The following HACD3 variants were observed in gnomAD, a reference collection of about 807,000 sequenced individuals.
HACD3 encodes the protein very-long-chain (3R)-3-hydroxyacyl-CoA dehydratase 3.
HACD3 carries 30 observed loss-of-function variants against 55.2 expected under a neutral mutation model. The ratio of observed to expected loss-of-function variants is 0.54; its 90% CI spans 0.41 to 0.74. The LOEUF is 0.74. HACD3 is among the 30% of genes least tolerant of loss of function. The pLI, the probability that HACD3 is intolerant of heterozygous loss-of-function variation, is 0.00. For synonymous variants in HACD3, 141 were observed against 151.7 expected, an observed-to-expected ratio of 0.93 and a Z score of 0.52; for missense variants, 363 against 440.1, an observed-to-expected ratio of 0.82 and a Z score of 1.57.
At chr15:65,543,275 C>T (rs1384201451) in intron 1 of HACD3, among the ~76,000 whole-genome samples, 1 of 152,010 alleles carries the variant, frequency 6.6e-6, no homozygotes, top group African/African-American at 2.4e-5. Context: ...GGAATATATT[C>T]TAAGGACAAA....
rs1282465946 is a variant in HACD3, at chr15:65,578,227, C to T, written c.*1848C>T. 1 of 152,166 alleles carries T rather than the reference C, an allele frequency of 6.6e-6. No individual in the cohort carries two copies. The highest frequency in any genetic ancestry group is 1.5e-5 in the Non-Finnish European group (1 of 68,030). The allele number at this position is 152,166 out of a possible 1,614,324, so 9.4% of individuals were successfully genotyped here. ...CGTGTAATTGGGCAGATCAGCTTTGCAGTAGATTATGCTGCATCCTCGTGG... is the reference window on the plus strand; with the variant it reads ...CGTGTAATTGGGCAGATCAGCTTTGTAGTAGATTATGCTGCATCCTCGTGG... On this transcript the variant is annotated 3_prime_UTR_variant, in exon 11 of 11. Coordinates refer to ENST00000261875, the MANE Select transcript of HACD3 (RefSeq NM_016395.4).
chr15:65,544,099 C>T lies in HACD3; in HGVS notation c.88-7577C>T, dbSNP rs562328126. Among the ~76,000 whole-genome samples the T allele has an allele frequency of 2.6e-5, 4 of 152,274 alleles. No individual in the cohort carries two copies. The South Asian group carries it at 8.3e-4, about 32-fold the overall frequency. ...GGCCGAGGCAGGAGAATGGCGTGAACCCGGGAGGCGGAGCTTGCAGTGAGC... is the reference window on the plus strand; with the variant it reads ...GGCCGAGGCAGGAGAATGGCGTGAATCCGGGAGGCGGAGCTTGCAGTGAGC... On this transcript the variant is annotated intron_variant, in intron 1 of 10. Transcript: ENST00000261875.
chr15:65,573,955 T>A (rs1567341840), intron 10 of HACD3, among the ~76,000 whole-genome samples: 2 of 152,166 alleles, frequency 1.3e-5, no homozygotes, highest in Admixed American at 6.5e-5. Flanking sequence ...TTCTGATACA[T>A]TTTAGTGGTA....
At chr15:65,537,952 AAAAAAAATATATAT>A (rs2071976396) in intron 1 of HACD3, among the ~76,000 whole-genome samples, 2 of 23,166 alleles carry the variant, frequency 8.6e-5, no homozygotes, top group African/African-American at 1.6e-4. Context: ...AAAAAAAAAA[AAAAAAAATATATAT>A]ATATATATAT....
At chr15:65,562,523 C>A (rs1029607804) in intron 5 of HACD3, among the ~76,000 whole-genome samples, 1 of 152,054 alleles carries the variant, frequency 6.6e-6, no homozygotes, top group Non-Finnish European at 1.5e-5. Flanking sequence ...TTTGTTATGT[C>A]TGTATACCTA....
At chr15:65,538,119 T>C (rs2141204633) in intron 1 of HACD3, among the ~76,000 whole-genome samples, 1 of 151,826 alleles carries the variant, frequency 6.6e-6, no homozygotes, top group South Asian at 2.1e-4. Flanking sequence ...TAACATTCCT[T>C]TTGCAGCCCA....
At chr15:65,565,867 C>G (rs2072285850) in intron 7 of HACD3, 1 of 152,204 alleles carries the variant, frequency 6.6e-6, no homozygotes, top group Admixed American at 6.5e-5. Flanking sequence ...ATTTTCCAAA[C>G]TTTTATGCTG....
chr15:65,536,441 C>G (rs114873033), intron 1 of HACD3, among the ~76,000 whole-genome samples: 1,766 of 152,146 alleles, frequency 0.012, 43 homozygotes, highest in African/African-American at 0.041. Flanking sequence ...TGAGACACAA[C>G]AATATTGAAA....
In HACD3 at chr15:65,540,080, A is replaced by C. The variant is rs1343846851; in HGVS notation, c.87+9362A>C. 3.3e-5 allele frequency among the ~76,000 whole-genome samples: 5 copies of C among 152,326 alleles called. No homozygotes were observed. The East Asian group carries it at 9.6e-4, about 29-fold the overall frequency. ...TATTTCTTTTTTTAAAAATTGAGGC[A>C]AATAAAGCAAAATGCTAATGGATGT... On this transcript the variant is annotated intron_variant, in intron 1 of 10. Transcript: ENST00000261875.
At chr15:65,533,975 C>T (rs1400828529) in intron 1 of HACD3, among the ~76,000 whole-genome samples, 2 of 151,308 alleles carry the variant, frequency 1.3e-5, no homozygotes, top group Admixed American at 6.6e-5. Context: ...GGCGTGAACC[C>T]GGGAGGTGGA....
chr15:65,537,789 T>A (rs1305696356), intron 1 of HACD3, among the ~76,000 whole-genome samples: 1 of 130 alleles, frequency 7.7e-3, no homozygotes, highest in Admixed American at 0.056. Flanking sequence ...AGAGACTCTG[T>A]CTCAAAAAAA....
chr15:65,561,363 G>A (rs2072242667), intron 5 of HACD3, among the ~76,000 whole-genome samples: 1 of 152,104 alleles, frequency 6.6e-6, no homozygotes, highest in African/African-American at 2.4e-5. Context: ...CTACTCGGGA[G>A]GCTGAGGCAG....
intron 1 of HACD3, among the ~76,000 whole-genome samples, chr15:65,537,399 G>C (rs1365980676): frequency 6.6e-6 from 1 of 152,110 alleles, no homozygotes; most frequent in Non-Finnish European, 1.5e-5. Context: ...AGCTTCAAAG[G>C]ACAGTCTGAC....
chr15:65,572,450 T>C, intron 10 of HACD3, 84 bp downstream of exon 10: 1 of 1,377,508 alleles, frequency 7.3e-7, no homozygotes, highest in Non-Finnish European at 9.7e-7. Flanking sequence ...TAAAAGTCCA[T>C]ATGAGAATTC....
intron 5 of HACD3, 124 bp downstream of exon 5, chr15:65,558,855 G>GA: frequency 8.3e-7 from 1 of 1,204,680 alleles, no homozygotes. Flanking sequence ...GTGAGTTTAT[G>GA]AAAAAGCTTT....
intron 7 of HACD3, among the ~76,000 whole-genome samples, chr15:65,567,300 C>T (rs7176340): frequency 0.27 from 40,909 of 151,816 alleles, 7,505 homozygotes; most frequent in African/African-American, 0.53. Context: ...ACCTGGGCAG[C>T]AGAGCGAGAC....
intron 3 of HACD3, 149 bp from the exon 4 acceptor site, chr15:65,556,590 T>C: frequency 1.3e-6 from 1 of 798,428 alleles, no homozygotes; most frequent in East Asian, 2.8e-5. Flanking sequence ...AGACCCCTGG[T>C]CTAGATGTTC....
intron 1 of HACD3, among the ~76,000 whole-genome samples, chr15:65,532,777 CATG>C (rs2071915517): frequency 6.6e-6 from 1 of 151,994 alleles, no homozygotes; most frequent in Non-Finnish European, 1.5e-5. Flanking sequence ...AGTTTAAAAG[CATG>C]ATGTTACCCT....
intron 10 of HACD3, among the ~76,000 whole-genome samples, chr15:65,573,174 T>C (rs1004646328): frequency 6.6e-6 from 1 of 152,032 alleles, no homozygotes; most frequent in African/African-American, 2.4e-5. Context: ...TGCTGACCTA[T>C]TAATTTATAT....
Sources: allele counts gnomAD v4.1 joint callset (sites outside exome capture counted in the v4.1 genomes callset), GRCh38; gene constraint gnomAD v4.1.1; transcripts MANE v1.5; gene names NCBI Gene and HGNC (gene_info 2026-07-23, HGNC 2026-07-21).